PPP1R14C: variants seen among roughly 807,000 people sequenced by gnomAD.
The protein encoded by PPP1R14C is protein phosphatase 1 regulatory inhibitor subunit 14C.
PPP1R14C carries 16 observed loss-of-function variants against 20.4 expected under a neutral mutation model. That is an observed-to-expected ratio of 0.78 (90% CI 0.53 to 1.19). PPP1R14C has a LOEUF of 1.19. Among genes scored for constraint, PPP1R14C ranks in the 50% most tolerant of loss-of-function variants. The pLI, the probability that PPP1R14C is intolerant of heterozygous loss-of-function variation, is 0.00. For synonymous variants in PPP1R14C, 91 were observed against 91.0 expected, an observed-to-expected ratio of 1.00 and a Z score of 0.00; for missense variants, 211 against 220.1, an observed-to-expected ratio of 0.96 and a Z score of 0.26.
At chr6:150,218,275 T>C (rs1778120680) in intron 3 of PPP1R14C, among the ~76,000 whole-genome samples, 2 of 151,996 alleles carry the variant, frequency 1.3e-5, no homozygotes, top group African/African-American at 2.4e-5. Flanking sequence ...TGGTGGCCGG[T>C]GCCTGTAGTC....
At chr6:150,210,732 A>G (rs544635227) in intron 1 of PPP1R14C, among the ~76,000 whole-genome samples, 25 of 152,348 alleles carry the variant, frequency 1.6e-4, no homozygotes, top group Admixed American at 3.9e-4. Flanking sequence ...GAAAACGTAG[A>G]AAATCCAGCA....
rs1482787000 is a variant in PPP1R14C at position 150,201,921 on chromosome 6, C to T, written c.307-12823C>T. On this transcript the variant is annotated intron_variant, in intron 1 of 3. Transcript: ENST00000361131. This position sits in a 1 kb window ranked among gnomAD's most constrained non-coding sequence, Gnocchi z 4.2. ...ATTCCATGAACCGTCACATTGCCTG[C>T]ATAAACATGCATTACAGGTAAACGA... is the stretch of plus-strand genomic sequence containing the variant. Among the ~76,000 whole-genome samples the T allele has an allele frequency of 6.6e-6, 1 of 152,110 alleles. No individual in the cohort carries two copies. Among genetic ancestry groups the T allele is most frequent in the East Asian group, 1.9e-4 (1 of 5,182 alleles).
At chr6:150,236,022 T>C (rs767669916) in intron 3 of PPP1R14C, among the ~76,000 whole-genome samples, 4 of 152,212 alleles carry the variant, frequency 2.6e-5, no homozygotes, top group Non-Finnish European at 5.9e-5. Context: ...GGTTGCTTAA[T>C]AATAAAGACT....
chr6:150,224,988 C>T (rs747385965), intron 3 of PPP1R14C, among the ~76,000 whole-genome samples: 16 of 151,838 alleles, frequency 1.1e-4, no homozygotes, highest in African/African-American at 2.4e-4. Context: ...AAGTGCTTCT[C>T]GGTCGCCCCC....
intron 3 of PPP1R14C, among the ~76,000 whole-genome samples, chr6:150,239,722 A>G (rs1388153967): frequency 1.3e-5 from 2 of 152,174 alleles, no homozygotes; most frequent in Admixed American, 1.3e-4. Flanking sequence ...GAAAGGAAAT[A>G]ATAAAGATAA....
At chr6:150,200,366 G>A (rs1235989359) in intron 1 of PPP1R14C, among the ~76,000 whole-genome samples, 1 of 152,064 alleles carries the variant, frequency 6.6e-6, no homozygotes, top group African/African-American at 2.4e-5. Context: ...GCCGGGGTCC[G>A]AATTACTCGC....
intron 1 of PPP1R14C, among the ~76,000 whole-genome samples, chr6:150,192,103 G>A (rs1777752458): frequency 6.6e-6 from 1 of 152,182 alleles, no homozygotes; most frequent in Admixed American, 6.5e-5. Flanking sequence ...CCATGCATGA[G>A]ATTTGATTGG....
intron 1 of PPP1R14C, among the ~76,000 whole-genome samples, chr6:150,152,119 CAAAAAAAA>C (rs577869928): frequency 8.2e-5 from 7 of 84,946 alleles, no homozygotes; most frequent in South Asian, 3.2e-4. Flanking sequence ...GACTCCGTCT[CAAAAAAAA>C]AAAAAAAAAA....
intron 3 of PPP1R14C, among the ~76,000 whole-genome samples, chr6:150,243,010 G>T (rs1009667619): frequency 2.0e-5 from 3 of 152,086 alleles, no homozygotes; most frequent in Non-Finnish European, 4.4e-5. Flanking sequence ...ATAAACCATT[G>T]CTGAGATAAG....
chr6:150,179,190 G>A (rs145660664), intron 1 of PPP1R14C, among the ~76,000 whole-genome samples: 28 of 152,244 alleles, frequency 1.8e-4, no homozygotes, highest in South Asian at 6.2e-4. Context: ...GGCGCTGCTT[G>A]AGCCCAGGAG....
chr6:150,170,801 A>G (rs930729291), intron 1 of PPP1R14C, among the ~76,000 whole-genome samples: 2 of 147,556 alleles, frequency 1.4e-5, no homozygotes, highest in African/African-American at 5.0e-5. Flanking sequence ...TTTTAATGGT[A>G]AGGAATTTGA....
At chr6:150,165,324 C>A (rs1017662248) in intron 1 of PPP1R14C, among the ~76,000 whole-genome samples, 1 of 152,214 alleles carries the variant, frequency 6.6e-6, no homozygotes, top group Non-Finnish European at 1.5e-5. Flanking sequence ...TTTAAAATAT[C>A]TGGGCTCCCA....
chr6:150,193,431 G>A (rs1407708686), intron 1 of PPP1R14C, among the ~76,000 whole-genome samples: 1 of 152,154 alleles, frequency 6.6e-6, no homozygotes, highest in Non-Finnish European at 1.5e-5. Flanking sequence ...ATTGGAGTGT[G>A]TAGATGTCTG....
chr6:150,225,777 G>T (rs57976502), intron 3 of PPP1R14C, among the ~76,000 whole-genome samples: 23,170 of 152,150 alleles, frequency 0.15, 1,998 homozygotes, highest in African/African-American at 0.24. Flanking sequence ...GGAGAAGTCA[G>T]GTTATGTATT....
At chr6:150,158,479 G>A (rs1037207682) in intron 1 of PPP1R14C, among the ~76,000 whole-genome samples, 3 of 152,114 alleles carry the variant, frequency 2.0e-5, no homozygotes, top group Non-Finnish European at 4.4e-5. Flanking sequence ...TCTGCAATGG[G>A]AGCTCTATCA....
chr6:150,241,890 A>G (rs6924595), intron 3 of PPP1R14C, among the ~76,000 whole-genome samples: 69,068 of 151,888 alleles, frequency 0.45, 16,779 homozygotes, highest in African/African-American at 0.64. Context: ...CTTGTCTCAA[A>G]AGAAAAAAAA....
At chr6:150,220,556 G>A (rs1306568644) in intron 3 of PPP1R14C, among the ~76,000 whole-genome samples, 5 of 152,212 alleles carry the variant, frequency 3.3e-5, no homozygotes. Context: ...GGGAGTGGAA[G>A]GGGTTGCTGC....
At chr6:150,165,150 G>T (rs927660) in intron 1 of PPP1R14C, among the ~76,000 whole-genome samples, 2,390 of 152,292 alleles carry the variant, frequency 0.016, 28 homozygotes, top group Non-Finnish European at 0.024. Flanking sequence ...TGTATGTTTG[G>T]CTCTATATAG....
At chr6:150,196,617 A>T (rs189167850) in intron 1 of PPP1R14C, among the ~76,000 whole-genome samples, 26 of 152,314 alleles carry the variant, frequency 1.7e-4, no homozygotes, top group Admixed American at 4.6e-4. Context: ...AGCATAAAGA[A>T]CTTGTCCCAT....
Sources: allele counts gnomAD v4.1 joint callset (sites outside exome capture counted in the v4.1 genomes callset), GRCh38; gene constraint gnomAD v4.1.1; non-coding constraint Gnocchi (gnomAD v3.1); transcripts MANE v1.5; gene names NCBI Gene and HGNC (gene_info 2026-07-23, HGNC 2026-07-21).